The following CD33 variants were observed in gnomAD, a reference collection of about 807,000 sequenced individuals.
CD33 encodes CD33 molecule, also known as myeloid cell surface antigen CD33.
CD33 carries 25 observed loss-of-function variants against 31.4 expected under a neutral mutation model. The observed-to-expected ratio is 0.80, with a 90% CI of 0.58 to 1.11. CD33 has a LOEUF of 1.11. Among genes scored for constraint, CD33 ranks in the 50% most tolerant of loss-of-function variants. CD33 has a pLI of 0.00. For missense variants in CD33, 407 were observed against 448.1 expected, an observed-to-expected ratio of 0.91 and a Z score of 0.83; for synonymous variants, 176 against 180.6, an observed-to-expected ratio of 0.97 and a Z score of 0.20.
the CD33 span, among the ~76,000 whole-genome samples, chr19:51,219,243 C>T: frequency 2.7e-3 from 413 of 152,218 alleles, 2 homozygotes; most frequent in Middle Eastern, 0.01. Context: ...GATCTTTCAC[C>T]TCCTTGGTTA....
rs1432785699 is a variant in CD33, at chr19:51,225,137, CT to C, written c.20del (p.Leu7ArgfsTer23). The C allele has an allele frequency of 1.2e-6, 2 of 1,613,918 alleles. No homozygotes were observed. Among genetic ancestry groups the C allele is most frequent in the African/African-American group, 2.7e-5 (2 of 74,938 alleles). On this transcript the variant is annotated frameshift_variant, in exon 1 of 7. Transcript: ENST00000262262. LOFTEE classifies it high-confidence loss of function. The stretch of plus-strand genomic sequence containing the variant: ...CTCAGACATGCCGCTGCTGCTACTG[CT>C]GCCCCTGCTGTGGGCAGGTGAGTGG... MPLLLL[L>X]PLLWAGALAM...
At chr19:51,220,008 A>C in the CD33 span, among the ~76,000 whole-genome samples, 1 of 152,146 alleles carries the variant, frequency 6.6e-6, no homozygotes, top group Non-Finnish European at 1.5e-5. Context: ...TGTCCTTGCT[A>C]GGTTTTGATA....
Position 51,239,776 on chromosome 19 carries a change from C to A in CD33, c.*88C>A. On this transcript the variant is annotated 3_prime_UTR_variant, in exon 7 of 7. Coordinates refer to ENST00000262262, the MANE Select transcript of CD33 (RefSeq NM_001772.4). Reference sequence around the variant, plus strand: ...AGGCTGATTCTTGGAGATTTAACACCCCACAGGCAATGGGTTTATAGACAT... The same window carrying A: ...AGGCTGATTCTTGGAGATTTAACACACCACAGGCAATGGGTTTATAGACAT... 9.5e-7 allele frequency: 1 copy of A among 1,054,478 alleles called. No homozygotes were observed. The highest frequency in any genetic ancestry group is 2.4e-5 in the Admixed American group (1 of 41,472). 65.3% of individuals were successfully genotyped at this position (1,054,478 alleles called of 1,614,324 possible).
the CD33 span, chr19:51,212,056 A>G: frequency 1.2e-6 from 1 of 805,330 alleles, no homozygotes; most frequent in Non-Finnish European, 2.1e-6. Flanking sequence ...AGAACCATCC[A>G]ACTCAGTGTC....
chr19:51,239,727 C>T lies in CD33; in HGVS notation c.*39C>T, dbSNP rs1303191181. ...GCATCAGGCTCAGCTAGAAGATCCA[C>T]ATCCTCTACAGGTCGGGGACCAAAG... On this transcript the variant is annotated 3_prime_UTR_variant, in exon 7 of 7. Transcript: ENST00000262262. The T allele has an allele frequency of 6.4e-7, 1 of 1,550,554 alleles. No individual in the cohort carries two copies. Among genetic ancestry groups the T allele is most frequent in the Admixed American group, 1.8e-5 (1 of 55,516 alleles).
chr19:51,211,316 A>T, the CD33 span: 1 of 1,563,276 alleles, frequency 6.4e-7, no homozygotes, highest in Non-Finnish European at 8.8e-7. Context: ...CCCATACCCT[A>T]CTACAACAGG....
the CD33 span, among the ~76,000 whole-genome samples, chr19:51,217,590 T>C: frequency 1.3e-5 from 2 of 152,004 alleles, no homozygotes; most frequent in African/African-American, 2.4e-5. Flanking sequence ...TTGTTGTTGT[T>C]GTATTTTTAG....
the CD33 span, among the ~76,000 whole-genome samples, chr19:51,217,440 CACTCTGTT>C: frequency 6.6e-6 from 1 of 150,446 alleles, no homozygotes; most frequent in African/African-American, 2.4e-5. Flanking sequence ...GAGACGGAGT[CACTCTGTT>C]GCCCGGGCTT....
upstream of CD33, among the ~76,000 whole-genome samples, chr19:51,220,704 G>A (rs1171056974): frequency 6.6e-6 from 1 of 152,050 alleles, no homozygotes; most frequent in Non-Finnish European, 1.5e-5. Flanking sequence ...GTTTTCTTTG[G>A]GGGTCATTAT....
chr19:51,221,364 T>C (rs896317469), upstream of CD33, among the ~76,000 whole-genome samples: 2 of 152,162 alleles, frequency 1.3e-5, no homozygotes, highest in African/African-American at 4.8e-5. Context: ...CATGAAAACA[T>C]ACTAAAGATC....
At chr19:51,215,235 G>A in the CD33 span, among the ~76,000 whole-genome samples, 4 of 152,288 alleles carry the variant, frequency 2.6e-5, no homozygotes, top group Non-Finnish European at 5.9e-5. Flanking sequence ...GACCAGGCAA[G>A]GAGCTCAACT....
intron 6 of CD33, chr19:51,236,110 A>C: frequency 2.2e-6 from 1 of 454,096 alleles, no homozygotes; most frequent in Non-Finnish European, 4.1e-6. Context: ...GTGAGCCGAC[A>C]TAGCACCACT....
At chr19:51,216,955 G>A in the CD33 span, among the ~76,000 whole-genome samples, 2 of 152,198 alleles carry the variant, frequency 1.3e-5, no homozygotes, top group African/African-American at 4.8e-5. Context: ...AGAGGCAGCA[G>A]TAGGCCTGGG....
At chr19:51,212,203 A>C in the CD33 span, 1 of 363,402 alleles carries the variant, frequency 2.8e-6, no homozygotes, top group Non-Finnish European at 5.3e-6. Context: ...CTAGGCCACA[A>C]GCCCTGTCTC....
At chr19:51,211,885 AG>A in the CD33 span, 2 of 1,436,578 alleles carry the variant, frequency 1.4e-6, no homozygotes, top group Non-Finnish European at 2.0e-6. Flanking sequence ...GCCTGTGAGC[AG>A]GGGACGCCCC....
In CD33 at chr19:51,225,641, G is replaced by C. The variant is rs763833867; in HGVS notation, c.418+43G>C. 4 of 1,537,010 alleles carry C rather than the reference G, an allele frequency of 2.6e-6. No individual in the cohort carries two copies. The Admixed American group carries it at 8.2e-5, about 32-fold the overall frequency. Reference sequence around the variant, plus strand: ...GAAGTGGCCGCAAGGGAAGTTCATGGGTACTGCAGGGCAGGGCTGGGATGG... The same window carrying C: ...GAAGTGGCCGCAAGGGAAGTTCATGCGTACTGCAGGGCAGGGCTGGGATGG... On this transcript the variant is annotated intron_variant, in intron 2 of 6. Transcript: ENST00000262262.
At chr19:51,223,427 C>T (rs911842262), upstream of CD33, among the ~76,000 whole-genome samples, 4 of 152,094 alleles carry the variant, frequency 2.6e-5, no homozygotes, top group Admixed American at 2.6e-4. Context: ...GTGGCAAGTA[C>T]TAATATGTCC....
chr19:51,239,543 A>T lies in CD33; in HGVS notation c.950A>T (p.His317Leu), dbSNP rs1982024606. The change falls in exon 7 of 7, where the codon CAT becomes CTT. Residue 317 changes from histidine (H) to leucine (L), a missense_variant. By Grantham distance (99) the His-to-Leu change is moderately conservative. Coordinates refer to ENST00000262262, the MANE Select transcript of CD33 (RefSeq NM_001772.4). The part of the protein sequence containing the change: ...SPKHQKKSKL[H>L]GPTETSSCSG... The stretch of plus-strand genomic sequence containing the variant: ...AAACACCAGAAGAAGTCCAAGTTAC[A>T]TGGCCCCACTGAAACCTCAAGCTGT... The T allele has an allele frequency of 3.7e-6, 6 of 1,611,004 alleles. No individual in the cohort carries two copies. Among genetic ancestry groups the T allele is most frequent in the Non-Finnish European group, 5.1e-6 (6 of 1,178,630 alleles).
chr19:51,230,326 T>G (rs376840817), intron 4 of CD33, among the ~76,000 whole-genome samples: 4 of 145,176 alleles, frequency 2.8e-5, no homozygotes, highest in African/African-American at 5.1e-5. Flanking sequence ...GATGAAACCA[T>G]GTGTATTCTG....
Sources: allele counts gnomAD v4.1 joint callset (sites outside exome capture counted in the v4.1 genomes callset), GRCh38; gene constraint gnomAD v4.1.1; transcripts MANE v1.5; gene names NCBI Gene and HGNC (gene_info 2026-07-23, HGNC 2026-07-21).